EPS8L2: variants seen among roughly 807,000 people sequenced by gnomAD.
The protein encoded by EPS8L2 is epidermal growth factor receptor kinase substrate 8-like protein 2.
Under a neutral mutation model 99.4 loss-of-function variants are expected in EPS8L2, and 81 were observed. The ratio of observed to expected loss-of-function variants is 0.82; its 90% CI spans 0.68 to 0.98. EPS8L2 has a LOEUF of 0.98. Among genes scored for constraint, EPS8L2 ranks in the 50% least tolerant of loss-of-function variants. EPS8L2 has a pLI of 0.00. For synonymous variants in EPS8L2, 509 were observed against 407.3 expected (o/e 1.25, Z -3.01); for missense variants, 1,155 against 968.8 (o/e 1.19, Z -2.55).
At chr11:709,939 C>T (rs1290726328) in intron 3 of EPS8L2, 1 of 458,458 alleles carries the variant, frequency 2.2e-6, no homozygotes, top group Non-Finnish European at 4.0e-6. Context: ...GCCTGGCCAG[C>T]CCCCACCTCC....
In EPS8L2 at chr11:710,475, T is replaced by A. The variant is rs758189540; in HGVS notation, c.154T>A (p.Tyr52Asn). 6.2e-7 allele frequency: 1 copy of A among 1,613,670 alleles called. No homozygotes were observed. Residue 52 changes from tyrosine (Y) to asparagine (N), a missense_variant, in exon 4 of 21, where the codon TAC becomes AAC. Coordinates refer to ENST00000318562, the MANE Select transcript of EPS8L2 (RefSeq NM_022772.4). ...SNVIMHETSQ[Y>N]HVQHLATFIM... ...CGTCATCATGCACGAGACCTCGCAGTACCACGTCCAGGTAAGGCCCCGCCC... is the reference window on the plus strand; with the variant it reads ...CGTCATCATGCACGAGACCTCGCAGAACCACGTCCAGGTAAGGCCCCGCCC...
intron 1 of EPS8L2, 144 bp from the exon 2 acceptor site, chr11:709,186 G>A (rs1032488780): frequency 1.6e-6 from 1 of 615,404 alleles, no homozygotes; most frequent in Non-Finnish European, 2.8e-6. Context: ...CTGGGACGTG[G>A]GGCCAACTGG....
Position 726,979 on chromosome 11 carries a change from T to C in EPS8L2, c.2146T>C (p.Ter716GlnextTer40). 1.2e-6 allele frequency: 2 copies of C among 1,611,820 alleles called. No homozygotes were observed. Among genetic ancestry groups the C allele is most frequent in the Non-Finnish European group, 1.7e-6 (2 of 1,178,816 alleles). The change falls in exon 21 of 21, where the codon TAG becomes CAG. Residue 716 changes from the stop codon to glutamine (Q), a stop_lost. Coordinates refer to ENST00000318562, the MANE Select transcript of EPS8L2 (RefSeq NM_022772.4). ...SMNQRRGEDS[*>Q] ...GAATCAGAGGAGGGGGGAGGACAGC[T>C]AGGCCCAGCTGCCTTGGGCTGGGGC... is the stretch of plus-strand genomic sequence containing the variant.
At chr11:721,848 G>T in intron 10 of EPS8L2, 55 bp from the exon 11 acceptor site, 2 of 1,542,440 alleles carry the variant, frequency 1.3e-6, no homozygotes, top group African/African-American at 1.4e-5. Flanking sequence ...GACAGAAGGC[G>T]CAGGGGCCGG....
In EPS8L2 at chr11:726,190, G is replaced by T. The variant is rs1415523182; in HGVS notation, c.1753+20G>T. 1.2e-6 allele frequency: 2 copies of T among 1,600,958 alleles called. No individual in the cohort carries two copies. Among genetic ancestry groups the T allele is most frequent in the Admixed American group, 1.7e-5 (1 of 58,878 alleles). The stretch of plus-strand genomic sequence containing the variant: ...AAGACGGTGAGAGCTGCTGCTTCGA[G>T]GCGGGGGTCCCGGGCCCAGGGCCAC... On this transcript the variant is annotated intron_variant, in intron 18 of 20. Coordinates refer to ENST00000318562, the MANE Select transcript of EPS8L2 (RefSeq NM_022772.4).
rs2133522726 is a variant in EPS8L2, at chr11:720,223, G to T, written c.327G>T (p.Gln109His). The change falls in exon 5 of 21, where the codon CAG (glutamine) becomes CAT (histidine). Residue 109 changes from glutamine (Q) to histidine (H), a missense_variant and splice_region_variant. Transcript: ENST00000318562. ...TGCGGCTGCTGGACATCGAGTCACA[G>T]GTGGGGCCCAGCGCCACGGGGGACA... ...QSLRLLDIES[Q>H]EELEDFPLPT... The T allele has an allele frequency of 6.2e-7, 1 of 1,612,952 alleles. No homozygotes were observed. Among genetic ancestry groups the T allele is most frequent in the South Asian group, 1.1e-5 (1 of 91,080 alleles).
At chr11:715,623 T>G (rs564350097) in intron 4 of EPS8L2, among the ~76,000 whole-genome samples, 12 of 144,302 alleles carry the variant, frequency 8.3e-5, no homozygotes, top group African/African-American at 2.4e-4. Context: ...CTTTTGTTTT[T>G]TTTTTTTTTT....
rs771170157 is a variant in EPS8L2, at chr11:720,081, T to G, written c.185T>G (p.Met62Arg). The G allele has an allele frequency of 6.2e-7, 1 of 1,612,914 alleles. No homozygotes were observed. The highest frequency in any genetic ancestry group is 8.5e-7 in the Non-Finnish European group (1 of 1,179,730). ...YHVQHLATFI[M>R]DKSEAITSVD... is the part of the protein sequence containing the mutation. ...CCCCAGCACCTGGCCACATTCATCA[T>G]GGACAAGAGCGAAGCCATCACGTCT... The change falls in exon 5 of 21, where the codon ATG (methionine) becomes AGG (arginine). Residue 62 changes from methionine to arginine, a missense_variant. Transcript: ENST00000318562.
intron 4 of EPS8L2, among the ~76,000 whole-genome samples, chr11:717,022 G>A (rs1862043192): frequency 2.6e-5 from 4 of 152,102 alleles, no homozygotes; most frequent in Non-Finnish European, 5.9e-5. Flanking sequence ...TGTTGCCCAG[G>A]CTGGAATGCA....
At chr11:711,268 G>C (rs1281507884) in intron 4 of EPS8L2, among the ~76,000 whole-genome samples, 1 of 98,588 alleles carries the variant, frequency 1.0e-5, no homozygotes, top group Non-Finnish European at 2.4e-5. Flanking sequence ...GTGCGTGCGT[G>C]CGTGTGTGTG....
Position 724,679 on chromosome 11 carries a change from G to A in EPS8L2, c.1455-45G>A. On this transcript the variant is annotated intron_variant, in intron 15 of 20. Coordinates refer to ENST00000318562, the MANE Select transcript of EPS8L2 (RefSeq NM_022772.4). This position sits in a 1 kb window ranked among gnomAD's most constrained non-coding sequence, Gnocchi z 5.5. ...CCCAGCCACTGCCCAGGTCTCAGAGGAGACCCCCACCAGACTGGGCCTCAG... is the reference window on the plus strand; with the variant it reads ...CCCAGCCACTGCCCAGGTCTCAGAGAAGACCCCCACCAGACTGGGCCTCAG... The A allele has an allele frequency of 4.2e-6, 6 of 1,419,120 alleles. No individual in the cohort carries two copies. Among genetic ancestry groups the A allele is most frequent in the South Asian group, 2.3e-5 (2 of 87,154 alleles). 87.9% of individuals were successfully genotyped at this position (1,419,120 alleles called of 1,614,324 possible). A position where few individuals can be genotyped will look rare whatever the true frequency, so the allele number is the denominator to read the frequency against.
Position 726,182 on chromosome 11 carries a change from T to C in EPS8L2, c.1753+12T>C, listed in dbSNP as rs1428090076. Reference sequence around the variant, plus strand: ...GGGGAACAAAGACGGTGAGAGCTGCTGCTTCGAGGCGGGGGTCCCGGGCCC... The same window carrying C: ...GGGGAACAAAGACGGTGAGAGCTGCCGCTTCGAGGCGGGGGTCCCGGGCCC... On this transcript the variant is annotated intron_variant, in intron 18 of 20. Transcript: ENST00000318562. 1 of 1,603,460 alleles carries C rather than the reference T, an allele frequency of 6.2e-7. No homozygotes were observed. Among genetic ancestry groups the C allele is most frequent in the East Asian group, 2.3e-5 (1 of 44,416 alleles).
intron 1 of EPS8L2, 148 bp from the exon 2 acceptor site, chr11:709,167 TGGGGCCAACTGGGAC>T: frequency 3.5e-6 from 2 of 573,606 alleles, no homozygotes; most frequent in South Asian, 4.1e-5. Flanking sequence ...AACTGGGACG[TGGGGCCAACTGGGAC>T]GTGGGGCCAA....
chr11:722,492 T>C lies in EPS8L2; in HGVS notation c.1151T>C (p.Leu384Pro). The change falls in exon 13 of 21, where the codon CTG (leucine) becomes CCG (proline). Residue 384 changes from leucine to proline, a missense_variant. Leu to Pro is a moderately conservative substitution (Grantham distance 98). Transcript: ENST00000318562. Reference sequence around the variant, plus strand: ...GCCGTGGACTTCCTGCGCGGCCACCTGGTCCCTAAGGAGATGTCGCTGTGG... The same window carrying C: ...GCCGTGGACTTCCTGCGCGGCCACCCGGTCCCTAAGGAGATGTCGCTGTGG... ...RDAVDFLRGH[L>P]VPKEMSLWES... 11 of 1,613,422 alleles carry C rather than the reference T, an allele frequency of 6.8e-6. No homozygotes were observed. Among genetic ancestry groups the C allele is most frequent in the Non-Finnish European group, 8.5e-6 (10 of 1,179,912 alleles).
Position 721,666 on chromosome 11 carries a change from G to A in EPS8L2, c.870G>A (p.Lys290=). 1 of 1,589,740 alleles carries A rather than the reference G, an allele frequency of 6.3e-7. No individual in the cohort carries two copies. The highest frequency in any genetic ancestry group is 8.5e-7 in the Non-Finnish European group (1 of 1,170,528). ...FKQLNQRKKG[K]KKGKKAPAEG... ...AGCTGAACCAGCGGAAAAAGGGGAA[G>A]AAGAAGGGCAAGAAGGCGCCAGCAG... Residue 290 remains lysine, a synonymous_variant, in exon 10 of 21, where the codon AAG becomes AAA. Transcript: ENST00000318562.
rs562666163 is a variant in EPS8L2 at position 710,680 on chromosome 11, G to T, written c.165+194G>T. ...GGAGGCGGAGGCTGTAGTGAGCCAAGATCGCACCACTGCACTCCAGCCTGG... is the reference window on the plus strand; with the variant it reads ...GGAGGCGGAGGCTGTAGTGAGCCAATATCGCACCACTGCACTCCAGCCTGG... On this transcript the variant is annotated intron_variant, in intron 4 of 20. Coordinates refer to ENST00000318562, the MANE Select transcript of EPS8L2 (RefSeq NM_022772.4). Among the ~76,000 whole-genome samples the T allele has an allele frequency of 3.3e-3, 502 of 152,352 alleles. 2 individuals carry two copies. Among genetic ancestry groups the T allele is most frequent in the African/African-American group, 0.011 (476 of 41,576 alleles).
chr11:723,410 C>G, intron 15 of EPS8L2, 57 bp downstream of exon 15: 1 of 764,732 alleles, frequency 1.3e-6, no homozygotes, highest in African/African-American at 1.8e-5. Context: ...AACCTACAGT[C>G]TCTAAAAACA....
rs968649914 is a variant in EPS8L2, at chr11:726,234, G to A, written c.1753+64G>A. The A allele has an allele frequency of 1.4e-5, 22 of 1,566,498 alleles. No homozygotes were observed. The Admixed American group carries it at 2.4e-4, about 17-fold the overall frequency. ...GGGCCACCTGGGGGAGGAAGTGTGGGGGGGGTCCCTGGGCCGGGGGCGGGG... is the reference window on the plus strand; with the variant it reads ...GGGCCACCTGGGGGAGGAAGTGTGGAGGGGGTCCCTGGGCCGGGGGCGGGG... On this transcript the variant is annotated intron_variant, in intron 18 of 20. Coordinates refer to ENST00000318562, the MANE Select transcript of EPS8L2 (RefSeq NM_022772.4).
chr11:716,341 G>A (rs1384012657), intron 4 of EPS8L2, among the ~76,000 whole-genome samples: 1 of 151,926 alleles, frequency 6.6e-6, no homozygotes, highest in Non-Finnish European at 1.5e-5. Context: ...GTAGAGATAG[G>A]GTTTCACCGT....
Sources: allele counts gnomAD v4.1 joint callset (sites outside exome capture counted in the v4.1 genomes callset), GRCh38; gene constraint gnomAD v4.1.1; non-coding constraint Gnocchi (gnomAD v3.1); transcripts MANE v1.5; gene names NCBI Gene and HGNC (gene_info 2026-07-23, HGNC 2026-07-21).